Variants in DYNC1I1 observed in about 807,000 individuals in gnomAD.
DYNC1I1 encodes cytoplasmic dynein 1 intermediate chain 1.
DYNC1I1 carries 43 observed loss-of-function variants against 86.6 expected under a neutral mutation model. That is an observed-to-expected ratio of 0.50 (90% CI 0.39 to 0.64). The LOEUF (loss-of-function observed/expected upper bound fraction) is 0.64. Ranked by LOEUF, DYNC1I1 falls within the 30% of genes least tolerant of loss-of-function variation. The pLI is 0.00. For missense variants in DYNC1I1, 604 were observed against 788.8 expected (o/e 0.77, Z 2.81); for synonymous variants, 262 against 283.7 (o/e 0.92, Z 0.77).
intron 2 of DYNC1I1, among the ~76,000 whole-genome samples, chr7:95,808,072 A>G (rs1412747300): frequency 6.6e-6 from 1 of 150,682 alleles, no homozygotes; most frequent in Non-Finnish European, 1.5e-5. Context: ...CTTTCCAAGC[A>G]TCTGGTGTTC....
chr7:95,813,387 A>G, intron 4 of DYNC1I1, 50 bp downstream of exon 4: 1 of 1,568,874 alleles, frequency 6.4e-7, no homozygotes, highest in South Asian at 1.2e-5. Flanking sequence ...TTAAAAAAAA[A>G]AAAAAACAGC....
At chr7:95,906,665 T>TC (rs2116326625) in intron 6 of DYNC1I1, among the ~76,000 whole-genome samples, 1 of 152,298 alleles carries the variant, frequency 6.6e-6, no homozygotes, top group South Asian at 2.1e-4. Flanking sequence ...CTTTAAGCTG[T>TC]ATGCTTATAT....
chr7:95,971,047 GATTCCAT>G lies in DYNC1I1; in HGVS notation c.491-6462_491-6456del, dbSNP rs1055725906. ...GGGCAGTGCTCAGGTATCCAGCTGG[GATTCCAT>G]ATGAACAGTGGCACCATTAAGCAGG... On this transcript the variant is annotated intron_variant, in intron 6 of 16. Coordinates refer to ENST00000447467, the MANE Select transcript of DYNC1I1 (RefSeq NM_001135556.2). Among the ~76,000 whole-genome samples the G allele has an allele frequency of 7.3e-4, 111 of 152,258 alleles. 1 individual carries two copies. Among genetic ancestry groups the G allele is most frequent in the African/African-American group, 2.6e-3 (106 of 41,546 alleles).
At chr7:95,847,150 TG>T (rs1437435363) in intron 5 of DYNC1I1, among the ~76,000 whole-genome samples, 3 of 152,224 alleles carry the variant, frequency 2.0e-5, no homozygotes, top group Non-Finnish European at 4.4e-5. Context: ...ATCTCTAATT[TG>T]TTTCCTTTTC....
intron 1 of DYNC1I1, among the ~76,000 whole-genome samples, chr7:95,787,875 G>T (rs537086661): frequency 6.6e-6 from 1 of 152,304 alleles, no homozygotes; most frequent in South Asian, 2.1e-4. Context: ...TCAATGAGAT[G>T]AAATTTGGAC....
At chr7:96,020,770 A>T (rs1794526386) in intron 10 of DYNC1I1, among the ~76,000 whole-genome samples, 1 of 152,206 alleles carries the variant, frequency 6.6e-6, no homozygotes, top group African/African-American at 2.4e-5. Context: ...AATCGATAAA[A>T]CCAGATGTGG....
intron 9 of DYNC1I1, among the ~76,000 whole-genome samples, chr7:95,987,435 G>A (rs555444355): frequency 3.0e-4 from 46 of 152,104 alleles, no homozygotes; most frequent in Non-Finnish European, 5.3e-4. Flanking sequence ...AAATCCTGTG[G>A]ATATTTTTAA....
At chr7:95,782,291 G>C (rs962363197) in intron 1 of DYNC1I1, among the ~76,000 whole-genome samples, 1 of 152,198 alleles carries the variant, frequency 6.6e-6, no homozygotes, top group African/African-American at 2.4e-5. Context: ...ACTATGGAAG[G>C]GAAGGACTTC....
intron 6 of DYNC1I1, among the ~76,000 whole-genome samples, chr7:95,925,272 A>G (rs1208723936): frequency 6.6e-6 from 1 of 152,130 alleles, no homozygotes; most frequent in Non-Finnish European, 1.5e-5. Flanking sequence ...ATTTGTGTCT[A>G]ATCACCCCCT....
At chr7:95,894,896 T>G (rs951695276) in intron 6 of DYNC1I1, among the ~76,000 whole-genome samples, 1 of 152,202 alleles carries the variant, frequency 6.6e-6, no homozygotes, top group Admixed American at 6.5e-5. Flanking sequence ...TTCGTTCAAC[T>G]TTTGAAGCAT....
At chr7:95,964,438 G>C (rs559813452) in intron 6 of DYNC1I1, among the ~76,000 whole-genome samples, 3 of 152,116 alleles carry the variant, frequency 2.0e-5, no homozygotes, top group African/African-American at 7.2e-5. Flanking sequence ...TGATGAGAGG[G>C]GAGAGTTTGA....
rs141506623 is a variant in DYNC1I1 at position 96,041,801 on chromosome 7, T to C, written c.1509+2380T>C. ...AAAGGATAAACAAAAAAGTTACTTA[T>C]AGCAAGACAGGAAGCTAAAAGAAAA... On this transcript the variant is annotated intron_variant, in intron 14 of 16. Transcript: ENST00000447467. Among the ~76,000 whole-genome samples the C allele has an allele frequency of 3.3e-3, 506 of 152,234 alleles. 4 individuals are homozygous for C. The highest frequency in any genetic ancestry group is 0.011 in the African/African-American group (474 of 41,562).
intron 14 of DYNC1I1, among the ~76,000 whole-genome samples, chr7:96,057,876 A>T (rs1308596991): frequency 1.3e-5 from 2 of 152,174 alleles, no homozygotes; most frequent in African/African-American, 4.8e-5. Flanking sequence ...ATAATCTCTG[A>T]GGTTTTATAT....
chr7:96,087,685 C>T (rs894578890), intron 16 of DYNC1I1, among the ~76,000 whole-genome samples: 8 of 152,096 alleles, frequency 5.3e-5, no homozygotes, highest in African/African-American at 1.9e-4. Flanking sequence ...CTGGTTCTGT[C>T]GATAACATCT....
Position 96,071,304 on chromosome 7 carries a change from CCACAGG to C in DYNC1I1, c.1510-4752_1510-4747del, listed in dbSNP as rs547472427. On this transcript the variant is annotated intron_variant, in intron 14 of 16. Transcript: ENST00000447467. ...ATACTTTTTTTCCATTCTATCCTTA[CCACAGG>C]GTAACAAAGCACGTAATAAAGCAGT... Among the ~76,000 whole-genome samples the C allele has an allele frequency of 2.0e-3, 299 of 152,244 alleles. 1 individual carries two copies. Among genetic ancestry groups the C allele is most frequent in the Middle Eastern group, 0.014 (4 of 294 alleles).
At position 95,848,022 on chromosome 7, in the gene DYNC1I1, A is replaced by G. The variant is rs535160141; in HGVS notation, c.374+19906A>G. Among the ~76,000 whole-genome samples, 777 of 152,240 alleles carry G rather than the reference A, an allele frequency of 5.1e-3. 8 individuals carry two copies. The highest frequency in any genetic ancestry group is 0.018 in the African/African-American group (741 of 41,544). On this transcript the variant is annotated intron_variant, in intron 5 of 16. Transcript: ENST00000447467. ...ACAAATAAAATTGTATGTATTTACC[A>G]TCTACAGCATGATGTATTGAATTAT...
intron 16 of DYNC1I1, among the ~76,000 whole-genome samples, chr7:96,107,926 G>A (rs1282329301): frequency 2.0e-5 from 3 of 147,540 alleles, no homozygotes; most frequent in Non-Finnish European, 4.4e-5. Flanking sequence ...TTGCCTTCCG[G>A]CCTCAATGAT....
At chr7:96,104,977 T>C (rs2116350362) in intron 16 of DYNC1I1, among the ~76,000 whole-genome samples, 1 of 152,248 alleles carries the variant, frequency 6.6e-6, no homozygotes, top group East Asian at 1.9e-4. Context: ...CATCCAAGAA[T>C]AGAATATAAC....
At chr7:95,806,493 GGT>G (rs1794704069) in intron 2 of DYNC1I1, among the ~76,000 whole-genome samples, 1 of 152,204 alleles carries the variant, frequency 6.6e-6, no homozygotes, top group Non-Finnish European at 1.5e-5. Flanking sequence ...GGAGGCTGCA[GGT>G]AGTGGAGGGT....
Sources: allele counts gnomAD v4.1 joint callset (sites outside exome capture counted in the v4.1 genomes callset), GRCh38; gene constraint gnomAD v4.1.1; transcripts MANE v1.5; gene names NCBI Gene and HGNC (gene_info 2026-07-23, HGNC 2026-07-21).